CBL: variants seen among roughly 807,000 people sequenced by gnomAD.
CBL encodes E3 ubiquitin-protein ligase CBL.
Under a neutral mutation model 96.9 loss-of-function variants are expected in CBL, and 45 were observed. That is an observed-to-expected ratio of 0.46 (90% CI 0.37 to 0.60). The LOEUF (loss-of-function observed/expected upper bound fraction) is 0.60. Among genes scored for constraint, CBL ranks in the 20% least tolerant of loss-of-function variants. The pLI, the probability that CBL is intolerant of heterozygous loss-of-function variation, is 0.00. For missense variants in CBL, 1,024 were observed against 1,143.5 expected, an observed-to-expected ratio of 0.90 and a Z score of 1.51; for synonymous variants, 420 against 426.8, an observed-to-expected ratio of 0.98 and a Z score of 0.20.
At chr11:119,224,358 C>T (rs565303080) in intron 1 of CBL, among the ~76,000 whole-genome samples, 5 of 152,184 alleles carry the variant, frequency 3.3e-5, no homozygotes, top group African/African-American at 7.2e-5. Flanking sequence ...GACCACCCCA[C>T]GTCCCATCCA....
rs967692776 is a variant in CBL at position 119,304,583 on chromosome 11, C to T, written c.*4802C>T. On this transcript the variant is annotated 3_prime_UTR_variant, in exon 16 of 16. Coordinates refer to ENST00000264033, the MANE Select transcript of CBL (RefSeq NM_005188.4). ...CTAGTCCTCAAGTCTACACCACCTT[C>T]CAACTCTGGGGATCACCATGAACAA... The T allele has an allele frequency of 4.3e-6, 1 of 232,320 alleles. No individual in the cohort carries two copies. The highest frequency in any genetic ancestry group is 8.5e-6 in the Non-Finnish European group (1 of 117,534). The allele number at this position is 232,320 out of a possible 1,614,324, so 14.4% of individuals were successfully genotyped here. A position where few individuals can be genotyped will look rare whatever the true frequency, so the allele number is the denominator to read the frequency against.
At chr11:119,223,574 C>T (rs1051012409) in intron 1 of CBL, among the ~76,000 whole-genome samples, 17 of 151,130 alleles carry the variant, frequency 1.1e-4, no homozygotes, top group African/African-American at 2.2e-4. Context: ...GGACTACAGG[C>T]GCCCGCCACC....
At chr11:119,248,453 T>G (rs994983075) in intron 2 of CBL, among the ~76,000 whole-genome samples, 1 of 152,186 alleles carries the variant, frequency 6.6e-6, no homozygotes, top group Non-Finnish European at 1.5e-5. Context: ...TTATGTTGCA[T>G]ATAAAAATCC....
chr11:119,299,186 G>A (rs762101823), intron 15 of CBL, among the ~76,000 whole-genome samples: 3 of 152,212 alleles, frequency 2.0e-5, no homozygotes, highest in Admixed American at 6.5e-5. Context: ...GGTCCCCTCA[G>A]AATTAAAACA....
At chr11:119,276,225 ACT>A (rs1215977387) in intron 6 of CBL, 91 bp downstream of exon 6, 3 of 1,280,418 alleles carry the variant, frequency 2.3e-6, no homozygotes, top group Non-Finnish European at 3.4e-6. Context: ...GGTTTCTTAA[ACT>A]GCAGACTAAG....
intron 1 of CBL, among the ~76,000 whole-genome samples, chr11:119,230,071 T>G (rs1217438863): frequency 1.3e-5 from 2 of 152,184 alleles, no homozygotes; most frequent in Non-Finnish European, 2.9e-5. Flanking sequence ...TATGTTATTG[T>G]CTATCCATAG....
intron 1 of CBL, among the ~76,000 whole-genome samples, chr11:119,215,752 G>A (rs1352704097): frequency 6.6e-6 from 1 of 151,968 alleles, no homozygotes; most frequent in Non-Finnish European, 1.5e-5. Context: ...GCTTGAACTT[G>A]GGAGATAGAG....
At chr11:119,277,940 T>A in intron 7 of CBL, 96 bp downstream of exon 7, 5 of 962,836 alleles carry the variant, frequency 5.2e-6, no homozygotes, top group Non-Finnish European at 6.7e-6. Context: ...TTGGAACCCA[T>A]TGACTAGATT....
At chr11:119,209,931 G>A (rs1949303578) in intron 1 of CBL, among the ~76,000 whole-genome samples, 1 of 152,206 alleles carries the variant, frequency 6.6e-6, no homozygotes, top group Non-Finnish European at 1.5e-5. Context: ...TTAAACAAAA[G>A]TTAGACAGAG....
chr11:119,283,902 G>A (rs1949959746), intron 9 of CBL, among the ~76,000 whole-genome samples: 1 of 151,930 alleles, frequency 6.6e-6, no homozygotes, highest in Non-Finnish European at 1.5e-5. Context: ...CTCCCAAAGT[G>A]CTGCGATTAC....
intron 1 of CBL, among the ~76,000 whole-genome samples, chr11:119,217,065 T>C (rs150422353): frequency 1.3e-5 from 2 of 152,356 alleles, no homozygotes; most frequent in East Asian, 1.9e-4. Flanking sequence ...ATGTGTCTTA[T>C]TACAGTTAAA....
chr11:119,235,168 C>T (rs1308125383), intron 2 of CBL, among the ~76,000 whole-genome samples: 1 of 151,588 alleles, frequency 6.6e-6, no homozygotes, highest in African/African-American at 2.4e-5. Flanking sequence ...GGTTGGAGTG[C>T]AAAGGAGTGA....
At chr11:119,231,053 C>G (rs1214329422) in intron 1 of CBL, among the ~76,000 whole-genome samples, 1 of 152,180 alleles carries the variant, frequency 6.6e-6, no homozygotes, top group Non-Finnish European at 1.5e-5. Context: ...ACTCTCAGCT[C>G]TATGCTTTAC....
At chr11:119,207,762 G>A (rs147263272) in intron 1 of CBL, among the ~76,000 whole-genome samples, 49 of 152,040 alleles carry the variant, frequency 3.2e-4, no homozygotes, top group African/African-American at 1.1e-3. Context: ...AGAAGTATCT[G>A]GCACGTTTTA....
At chr11:119,221,434 A>AT (rs2135257318) in intron 1 of CBL, among the ~76,000 whole-genome samples, 1 of 152,000 alleles carries the variant, frequency 6.6e-6, no homozygotes, top group South Asian at 2.1e-4. Context: ...TGGGTTTCTG[A>AT]TTTGTCTTTG....
Position 119,305,218 on chromosome 11 carries a change from T to C in CBL, c.*5437T>C, listed in dbSNP as rs975724385. Reference sequence around the variant, plus strand: ...TAACTTAATTCTGGTCATTGTCTTCTTTATTTCCTGTTTTTCTTCCCTTTG... The same window carrying C: ...TAACTTAATTCTGGTCATTGTCTTCCTTATTTCCTGTTTTTCTTCCCTTTG... On this transcript the variant is annotated 3_prime_UTR_variant, in exon 16 of 16. Transcript: ENST00000264033. The C allele has an allele frequency of 3.9e-5, 9 of 230,844 alleles. No homozygotes were observed. Among genetic ancestry groups the C allele is most frequent in the African/African-American group, 2.0e-4 (9 of 45,200 alleles). The allele number at this position is 230,844 out of a possible 1,614,324, so 14.3% of individuals were successfully genotyped here.
At position 119,285,000 on chromosome 11, in the gene CBL, C is replaced by G; in HGVS notation, c.1463C>G (p.Ala488Gly). 1 of 1,614,138 alleles carries G rather than the reference C, an allele frequency of 6.2e-7. No individual in the cohort carries two copies. The highest frequency in any genetic ancestry group is 8.5e-7 in the Non-Finnish European group (1 of 1,179,994). ...CGGCCGCCTTCTCCATTCTCCATGG[C>G]CCCACAAGCTTCCCTTCCCCCGGTG... ...VERPPSPFSM[A>G]PQASLPPVPP... The change falls in exon 10 of 16, where the codon GCC (alanine) becomes GGC (glycine). Residue 488 changes from alanine to glycine, a missense_variant. By Grantham distance (60) the Ala-to-Gly change is moderately conservative. Coordinates refer to ENST00000264033, the MANE Select transcript of CBL (RefSeq NM_005188.4).
rs1423275833 is a variant in CBL at position 119,303,659 on chromosome 11, T to C, written c.*3878T>C. On this transcript the variant is annotated 3_prime_UTR_variant, in exon 16 of 16. Transcript: ENST00000264033. ...TGTAGCTTTGATAATGCCTGGGAGA[T>C]TCCTTGGTGTAAGTGTCATGGATAC... 3 of 233,618 alleles carry C rather than the reference T, an allele frequency of 1.3e-5. No homozygotes were observed. Among genetic ancestry groups the C allele is most frequent in the African/African-American group, 6.6e-5 (3 of 45,348 alleles). 14.5% of individuals were successfully genotyped at this position (233,618 alleles called of 1,614,324 possible). A position where few individuals can be genotyped will look rare whatever the true frequency, so the allele number is the denominator to read the frequency against.
At chr11:119,241,472 C>T (rs1949586134) in intron 2 of CBL, among the ~76,000 whole-genome samples, 1 of 152,174 alleles carries the variant, frequency 6.6e-6, no homozygotes, top group Non-Finnish European at 1.5e-5. Context: ...GGCACTGCTC[C>T]TGAATAGTAC....
Sources: gnomAD v4.1 joint callset for allele counts (sites outside exome capture counted in the v4.1 genomes callset) on GRCh38, gnomAD v4.1.1 for gene constraint, MANE v1.5 for transcripts, NCBI Gene and HGNC (gene_info 2026-07-23, HGNC 2026-07-21) for gene names.